Variants in AKR7A3 observed in about 807,000 individuals in gnomAD.
AKR7A3 encodes the protein aldo-keto reductase family 7 member A3.
AKR7A3 carries 37 observed loss-of-function variants against 32.5 expected under a neutral mutation model. That is an observed-to-expected ratio of 1.14 (90% CI 0.88 to 1.50). AKR7A3 has a LOEUF of 1.50. Among genes scored for constraint, AKR7A3 ranks in the 40% most tolerant of loss-of-function variants. The pLI, the probability that AKR7A3 is intolerant of heterozygous loss-of-function variation, is 0.00. For missense variants in AKR7A3, 412 were observed against 453.2 expected, an observed-to-expected ratio of 0.91 and a Z score of 0.83; for synonymous variants, 177 against 188.4, an observed-to-expected ratio of 0.94 and a Z score of 0.50.
Position 19,285,104 on chromosome 1 carries a change from T to C in AKR7A3, c.518A>G (p.Asn173Ser), listed in dbSNP as rs530380486. 294 of 1,613,298 alleles carry C rather than the reference T, an allele frequency of 1.8e-4. 3 individuals carry two copies. The South Asian group carries it at 2.4e-3, about 13-fold the overall frequency. The change falls in exon 4 of 7, where the codon AAT (asparagine) becomes AGT (serine). Residue 173 changes from asparagine (N) to serine (S), a missense_variant. Physicochemically the swap from Asn to Ser is conservative, Grantham distance 46. Transcript: ENST00000361640. ...ILPTVYQGMY[N>S]AITRQVETEL... ...CGTTTCCACCTGCCGGGTGATGGCA[T>C]TGTACATGCCCTGTAAGGAGAGGGG... is the stretch of plus-strand genomic sequence containing the variant.
rs774747250 is a variant in AKR7A3 at position 19,286,345 on chromosome 1, AGTGGAATG to A, written c.234_241del (p.Ile79ValfsTer8). Reference sequence around the variant, plus strand: ...GTCAGGCTTCAGGGAGTTCCCAAACAGTGGAATGGCCTTGGTATCAATTTTCACTGAGA... The same window carrying A: ...GTCAGGCTTCAGGGAGTTCCCAAACAGCCTTGGTATCAATTTTCACTGAGA... On this transcript the variant is annotated frameshift_variant, in exon 2 of 7. Transcript: ENST00000361640. LOFTEE classifies it high-confidence loss of function. 9.3e-6 allele frequency: 15 copies of A among 1,613,836 alleles called. No homozygotes were observed. In the South Asian group the frequency reaches 1.6e-4, roughly 18 times the overall value.
At chr1:19,275,756 G>T in the AKR7A3 span, among the ~76,000 whole-genome samples, 1 of 151,730 alleles carries the variant, frequency 6.6e-6, no homozygotes, top group Non-Finnish European at 1.5e-5. Context: ...AGTGAGCTGT[G>T]ATCATACCAC....
rs370664672 is a variant in AKR7A3 at position 19,282,696 on chromosome 1, C to T, written c.*35G>A. On this transcript the variant is annotated 3_prime_UTR_variant, in exon 7 of 7. Coordinates refer to ENST00000361640, the MANE Select transcript of AKR7A3 (RefSeq NM_012067.3). ...AAAATGTGAGTAACAAAAGATGTTA[C>T]AGAAGAGCCTTGGGCAGCCTGAGAA... 16 of 1,613,626 alleles carry T rather than the reference C, an allele frequency of 9.9e-6. No individual in the cohort carries two copies. Among genetic ancestry groups the T allele is most frequent in the East Asian group, 2.2e-5 (1 of 44,896 alleles).
At chr1:19,275,325 C>T in the AKR7A3 span, among the ~76,000 whole-genome samples, 2 of 151,456 alleles carry the variant, frequency 1.3e-5, no homozygotes, top group African/African-American at 4.9e-5. Context: ...GCAGGAGAAT[C>T]GCTGGAACCT....
the AKR7A3 span, among the ~76,000 whole-genome samples, chr1:19,274,404 C>T: frequency 2.0e-5 from 3 of 151,846 alleles, no homozygotes; most frequent in African/African-American, 7.3e-5. Context: ...GTCTGGGACT[C>T]CTCCCTGCCC....
rs369670688 is a variant in AKR7A3 at position 19,285,226 on chromosome 1, G to A, written c.508-112C>T. Reference sequence around the variant, plus strand: ...CCTTAACAATTCTAGGACTTTAACCGTCTGGGCGTATACTTATTCTAACTG... The same window carrying A: ...CCTTAACAATTCTAGGACTTTAACCATCTGGGCGTATACTTATTCTAACTG... On this transcript the variant is annotated intron_variant, in intron 3 of 6. Transcript: ENST00000361640. The A allele has an allele frequency of 3.4e-4, 347 of 1,017,836 alleles. 1 individual carries two copies. Among genetic ancestry groups the A allele is most frequent in the East Asian group, 1.9e-3 (74 of 38,614 alleles). The allele number at this position is 1,017,836 out of a possible 1,614,324, so 63.1% of individuals were successfully genotyped here. A position where few individuals can be genotyped will look rare whatever the true frequency, so the allele number is the denominator to read the frequency against.
the AKR7A3 span, among the ~76,000 whole-genome samples, chr1:19,275,947 A>G: frequency 3.3e-5 from 5 of 152,148 alleles, no homozygotes; most frequent in African/African-American, 1.2e-4. Context: ...ATGAAAAACA[A>G]TAATAGAACT....
chr1:19,288,317 G>C (rs1264436350), intron 1 of AKR7A3, among the ~76,000 whole-genome samples, 179 bp downstream of exon 1: 3 of 150,290 alleles, frequency 2.0e-5, no homozygotes, highest in Non-Finnish European at 4.4e-5. Context: ...AAGTTGTCCG[G>C]AGCTAGACGT....
chr1:19,283,928 C>T, intron 6 of AKR7A3, 68 bp downstream of exon 6: 1 of 1,603,000 alleles, frequency 6.2e-7, no homozygotes, highest in Admixed American at 1.7e-5. Context: ...AATGTTTCAG[C>T]CTTCATCTAA....
downstream of AKR7A3, among the ~76,000 whole-genome samples, chr1:19,278,332 G>A (rs1285163320): frequency 2.0e-5 from 3 of 151,792 alleles, no homozygotes; most frequent in East Asian, 5.8e-4. Context: ...GCCAAGGGCA[G>A]ACAGATCATG....
chr1:19,276,360 C>CAAA, the AKR7A3 span, among the ~76,000 whole-genome samples: 9 of 111,270 alleles, frequency 8.1e-5, no homozygotes, highest in South Asian at 3.2e-4. Flanking sequence ...GACTCCATCT[C>CAAA]AAAAAAAAAA....
chr1:19,284,014 G>A lies in AKR7A3; in HGVS notation c.816C>T (p.Tyr272=). The A allele has an allele frequency of 6.2e-7, 1 of 1,613,398 alleles. No individual in the cohort carries two copies. The highest frequency in any genetic ancestry group is 8.5e-7 in the Non-Finnish European group (1 of 1,179,866). The change falls in exon 6 of 7, where the codon TAC becomes TAT. Residue 272 remains tyrosine (Y), a synonymous_variant. Transcript: ENST00000361640. ...SMTSATLRWM[Y]HHSQLQGAHG... ...TGGTTACCTGCAGCTGTGAGTGGTG[G>A]TACATCCACCGGAGGGTGGCCGAGG...
chr1:19,282,297 CTA>C (rs138682518), downstream of AKR7A3, among the ~76,000 whole-genome samples: 4,284 of 151,786 alleles, frequency 0.028, 80 homozygotes, highest in South Asian at 0.053. Flanking sequence ...AGTTCCAGCT[CTA>C]TGAGTTCACA....
chr1:19,278,131 GT>G (rs1174299296), downstream of AKR7A3, among the ~76,000 whole-genome samples: 3 of 151,790 alleles, frequency 2.0e-5, no homozygotes, highest in Non-Finnish European at 4.4e-5. Context: ...ATTTGAGTTA[GT>G]TTTTTTGTGT....
intron 1 of AKR7A3, among the ~76,000 whole-genome samples, chr1:19,287,768 G>A (rs1569660054): frequency 2.0e-5 from 3 of 152,186 alleles, no homozygotes; most frequent in African/African-American, 7.2e-5. Context: ...TCCCTCCCAG[G>A]AAGGGGTCAC....
At chr1:19,288,454 A>G in intron 1 of AKR7A3, 42 bp downstream of exon 1, 2 of 1,597,372 alleles carry the variant, frequency 1.3e-6, no homozygotes, top group Non-Finnish European at 1.7e-6. Context: ...GGACAGGCTC[A>G]GCTCTGCACC....
chr1:19,288,000 G>A (rs1325332201), intron 1 of AKR7A3, among the ~76,000 whole-genome samples: 1 of 152,210 alleles, frequency 6.6e-6, no homozygotes, highest in East Asian at 1.9e-4. Flanking sequence ...AAAGTCCGGG[G>A]CCCCGAGCAG....
chr1:19,278,039 GCCTAATCCAAAGTCATACTTACT>G (rs2093713628), downstream of AKR7A3, among the ~76,000 whole-genome samples: 3 of 151,834 alleles, frequency 2.0e-5, no homozygotes, highest in African/African-American at 7.3e-5. Flanking sequence ...AGAAACCACT[GCCTAATCCAAAGTCATACTTACT>G]CCAGTATTTT....
chr1:19,286,690 A>C (rs2093731233), intron 1 of AKR7A3, among the ~76,000 whole-genome samples: 2 of 151,628 alleles, frequency 1.3e-5, no homozygotes, highest in African/African-American at 4.9e-5. Flanking sequence ...AAACAAACAA[A>C]CAAAACAAAC....
Sources: gnomAD v4.1 joint callset for allele counts (sites outside exome capture counted in the v4.1 genomes callset) on GRCh38, gnomAD v4.1.1 for gene constraint, MANE v1.5 for transcripts, NCBI Gene and HGNC (gene_info 2026-07-23, HGNC 2026-07-21) for gene names.